SHOC2: variants seen among roughly 807,000 people sequenced by gnomAD.
SHOC2 encodes the protein leucine-rich repeat protein SHOC-2.
SHOC2 carries 4 observed loss-of-function variants against 50.2 expected under a neutral mutation model. The ratio of observed to expected loss-of-function variants is 0.08; its 90% CI spans 0.04 to 0.18. The LOEUF is 0.18. Ranked by LOEUF, SHOC2 falls within the 10% of genes least tolerant of loss-of-function variation. SHOC2 has a pLI of 1.00. For synonymous variants in SHOC2, 218 were observed against 244.5 expected, an observed-to-expected ratio of 0.89 and a Z score of 1.01; for missense variants, 388 against 669.6, an observed-to-expected ratio of 0.58 and a Z score of 4.64.
intron 1 of SHOC2, among the ~76,000 whole-genome samples, chr10:110,934,509 C>T (rs1419771969): frequency 6.6e-6 from 1 of 152,048 alleles, no homozygotes; most frequent in Non-Finnish European, 1.5e-5. Flanking sequence ...TTTTTAATAT[C>T]CGTACAACAT....
At chr10:110,961,291 AAAC>A (rs1474468260) in intron 1 of SHOC2, among the ~76,000 whole-genome samples, 36 of 152,338 alleles carry the variant, frequency 2.4e-4, no homozygotes, top group Non-Finnish European at 8.8e-5. Flanking sequence ...AGTGATTAAA[AAAC>A]AACTATTAAA....
intron 3 of SHOC2, among the ~76,000 whole-genome samples, chr10:110,999,454 T>C (rs1435526960): frequency 6.6e-6 from 1 of 152,084 alleles, no homozygotes; most frequent in Non-Finnish European, 1.5e-5. Context: ...AATAAAATGC[T>C]CAGCTGGGCG....
intron 1 of SHOC2, among the ~76,000 whole-genome samples, chr10:110,935,099 T>C (rs1846980623): frequency 6.6e-6 from 1 of 152,262 alleles, no homozygotes. Flanking sequence ...TATGCTGTTC[T>C]ACAGTTCACT....
chr10:110,964,168 T>C lies in SHOC2; in HGVS notation c.-191T>C, dbSNP rs1847625308. 1 of 728,856 alleles carries C rather than the reference T, an allele frequency of 1.4e-6. No individual in the cohort carries two copies. Among genetic ancestry groups the C allele is most frequent in the Non-Finnish European group, 2.2e-6 (1 of 457,160 alleles). The allele number at this position is 728,856 out of a possible 1,614,324, so 45.1% of individuals were successfully genotyped here. On this transcript the variant is annotated 5_prime_UTR_variant, in exon 2 of 9. Transcript: ENST00000369452. This position sits in a 1 kb window ranked among gnomAD's most constrained non-coding sequence, Gnocchi z 4.9. ...GATTGACCAGCACTATTTTACCAGT[T>C]GGAATGAATGATCAGAAATGGGCAT...
At chr10:111,002,311 CAATA>C (rs147655939) in intron 4 of SHOC2, among the ~76,000 whole-genome samples, 1 of 152,206 alleles carries the variant, frequency 6.6e-6, no homozygotes, top group East Asian at 1.9e-4. Flanking sequence ...GTAAGGAAAA[CAATA>C]AAATCCATTA....
chr10:110,974,544 A>G (rs1280280845), intron 2 of SHOC2, among the ~76,000 whole-genome samples: 3 of 152,054 alleles, frequency 2.0e-5, no homozygotes, highest in East Asian at 1.9e-4. Context: ...TTGTGTTTCT[A>G]TCCTGCCTGA....
chr10:110,979,328 G>A (rs1308668145), intron 2 of SHOC2, among the ~76,000 whole-genome samples: 1 of 152,244 alleles, frequency 6.6e-6, no homozygotes, highest in East Asian at 1.9e-4. Context: ...TAGCAAGGTG[G>A]AAGTCAGAAT....
intron 1 of SHOC2, chr10:110,936,563 A>G (rs1303275078): frequency 9.3e-6 from 6 of 644,066 alleles, no homozygotes; most frequent in Non-Finnish European, 1.6e-5. Context: ...AGCTTTTCTT[A>G]GGAAAGGGCA....
At chr10:110,952,719 C>T (rs4597005) in intron 1 of SHOC2, among the ~76,000 whole-genome samples, 80,003 of 151,528 alleles carry the variant, frequency 0.53, 24,527 homozygotes, top group Non-Finnish European at 0.69. Flanking sequence ...CCCCTTGCCC[C>T]GCACCTCGCA....
At chr10:110,969,957 A>C (rs958235447) in intron 2 of SHOC2, among the ~76,000 whole-genome samples, 1 of 152,210 alleles carries the variant, frequency 6.6e-6, no homozygotes, top group Non-Finnish European at 1.5e-5. Context: ...GTTTCCATAC[A>C]TGTATACAAT....
intron 6 of SHOC2, 70 bp downstream of exon 6, chr10:111,007,723 T>A: frequency 6.8e-7 from 1 of 1,475,278 alleles, no homozygotes; most frequent in Non-Finnish European, 9.5e-7. Context: ...ATTTCAAATT[T>A]AAATAAGCAA....
chr10:110,983,873 C>T (rs923227719), intron 2 of SHOC2, among the ~76,000 whole-genome samples: 20 of 152,222 alleles, frequency 1.3e-4, no homozygotes, highest in Middle Eastern at 3.4e-3. Context: ...TATAATACTC[C>T]GTTATATAAA....
At chr10:111,000,156 A>G (rs915678113) in intron 3 of SHOC2, among the ~76,000 whole-genome samples, 1 of 152,226 alleles carries the variant, frequency 6.6e-6, no homozygotes, top group Non-Finnish European at 1.5e-5. Flanking sequence ...AAGTATGCCA[A>G]TACTTTATCT....
chr10:110,922,565 G>T (rs1846676459), intron 1 of SHOC2, among the ~76,000 whole-genome samples: 1 of 151,994 alleles, frequency 6.6e-6, no homozygotes. Context: ...GGAGGCTGAA[G>T]ATTAAGTGAA....
chr10:110,997,026 A>G (rs903785953), intron 3 of SHOC2, among the ~76,000 whole-genome samples: 3 of 152,288 alleles, frequency 2.0e-5, no homozygotes, highest in East Asian at 3.9e-4. Flanking sequence ...GGGCATTTTT[A>G]TTTTGTTCTT....
rs1848574163 is a variant in SHOC2, at chr10:111,011,935, T to C, written c.*117T>C. 8.2e-6 allele frequency: 7 copies of C among 852,804 alleles called. No individual in the cohort carries two copies. The highest frequency in any genetic ancestry group is 1.3e-5 in the Non-Finnish European group (7 of 528,018). The allele number at this position is 852,804 out of a possible 1,614,324, so 52.8% of individuals were successfully genotyped here. A position where few individuals can be genotyped will look rare whatever the true frequency, so the allele number is the denominator to read the frequency against. On this transcript the variant is annotated 3_prime_UTR_variant, in exon 9 of 9. Transcript: ENST00000369452. ...TATGGCAGATTTATAAAAATTGCAT[T>C]ATGTGTTTCTGCTAATAGAGGAATC...
chr10:110,964,362 A>G lies in SHOC2; in HGVS notation c.4A>G (p.Ser2Gly), dbSNP rs267607048. 6 of 1,613,004 alleles carry G rather than the reference A, an allele frequency of 3.7e-6. No homozygotes were observed. The highest frequency in any genetic ancestry group is 4.2e-6 in the Non-Finnish European group (5 of 1,179,528). M[S>G]SSLGKEKDSK... ...TTTTGTCCAGGCTTGAGTCACCATG[A>G]GTAGTAGTTTAGGAAAAGAAAAAGA... is the stretch of plus-strand genomic sequence containing the variant. Residue 2 changes from serine (S) to glycine (G), a missense_variant, in exon 2 of 9, where the codon AGT (serine) becomes GGT (glycine). Coordinates refer to ENST00000369452, the MANE Select transcript of SHOC2 (RefSeq NM_007373.4). The surrounding 1 kb of genome is among the most constrained non-coding windows in gnomAD (Gnocchi z 4.9).
At chr10:111,003,568 A>G (rs1848417827) in intron 4 of SHOC2, among the ~76,000 whole-genome samples, 2 of 152,198 alleles carry the variant, frequency 1.3e-5, no homozygotes, top group South Asian at 4.1e-4. Flanking sequence ...TTAAAAAATG[A>G]TACACTAGGT....
intron 5 of SHOC2, among the ~76,000 whole-genome samples, chr10:111,005,376 A>G (rs1218980654): frequency 2.0e-5 from 3 of 152,186 alleles, no homozygotes; most frequent in Non-Finnish European, 4.4e-5. Context: ...ATTAATAGAG[A>G]TTTAATTTTG....
Sources: allele counts gnomAD v4.1 joint callset (sites outside exome capture counted in the v4.1 genomes callset), GRCh38; gene constraint gnomAD v4.1.1; non-coding constraint Gnocchi (gnomAD v3.1); transcripts MANE v1.5; gene names NCBI Gene and HGNC (gene_info 2026-07-23, HGNC 2026-07-21).